LPIN1: variants seen among roughly 807,000 people sequenced by gnomAD.
The protein encoded by LPIN1 is lipin 1.
A neutral mutation model predicts 107.5 loss-of-function variants in LPIN1; 71 were observed. The ratio of observed to expected loss-of-function variants is 0.66; its 90% CI spans 0.55 to 0.80. LPIN1 has a LOEUF of 0.80. Among genes scored for constraint, LPIN1 ranks in the 30% least tolerant of loss-of-function variants. The pLI is 0.00. For missense variants in LPIN1, 1,043 were observed against 1,160.6 expected (o/e 0.90, Z 1.47); for synonymous variants, 445 against 452.6 (o/e 0.98, Z 0.21).
chr2:11,728,624 C>T (rs545366342), intron 1 of LPIN1, among the ~76,000 whole-genome samples: 9 of 152,238 alleles, frequency 5.9e-5, no homozygotes, highest in African/African-American at 1.4e-4. Context: ...GAGCTCAAGC[C>T]GTCTGCCTCC....
At chr2:11,799,081 T>G (rs1677226612) in intron 14 of LPIN1, among the ~76,000 whole-genome samples, 1 of 152,222 alleles carries the variant, frequency 6.6e-6, no homozygotes. Flanking sequence ...AGGAGGCATT[T>G]TATTCTGTGC....
chr2:11,825,164 A>G lies in LPIN1; in HGVS notation c.*373A>G. On this transcript the variant is annotated 3_prime_UTR_variant, in exon 21 of 21. Coordinates refer to ENST00000674199, the MANE Select transcript of LPIN1 (RefSeq NM_001349206.2). This position sits in a 1 kb window ranked among gnomAD's most constrained non-coding sequence, Gnocchi z 4.1. ...GGCTGTCTGAGGGCTGTCCCCGCCT[A>G]GGACAGGGTCAATCGAGGAATGCCA... 1 of 315,688 alleles carries G rather than the reference A, an allele frequency of 3.2e-6. No homozygotes were observed. The highest frequency in any genetic ancestry group is 3.2e-5 in the South Asian group (1 of 31,508). The allele number at this position is 315,688 out of a possible 1,614,324, so 19.6% of individuals were successfully genotyped here.
At chr2:11,683,299 A>G (rs1200634228) in intron 1 of LPIN1, 1 of 152,216 alleles carries the variant, frequency 6.6e-6, no homozygotes, top group Non-Finnish European at 1.5e-5. Context: ...TGAGCTAAGA[A>G]CCACATAAAA....
chr2:11,755,230 G>A (rs1668484590), intron 1 of LPIN1, among the ~76,000 whole-genome samples: 1 of 152,220 alleles, frequency 6.6e-6, no homozygotes, highest in East Asian at 1.9e-4. Flanking sequence ...GCCTCCCAAA[G>A]TGCTGGGATT....
chr2:11,815,650 G>A (rs910867906), intron 18 of LPIN1, among the ~76,000 whole-genome samples: 3 of 152,060 alleles, frequency 2.0e-5, no homozygotes, highest in African/African-American at 4.8e-5. Context: ...GTTGGACAAT[G>A]AGCCTCTATC....
chr2:11,772,038 A>T (rs1054329941), intron 4 of LPIN1, among the ~76,000 whole-genome samples: 10 of 152,190 alleles, frequency 6.6e-5, no homozygotes, highest in African/African-American at 2.4e-4. Context: ...GATGGGTGAC[A>T]GATCATCAGG....
rs143800890 is a variant in LPIN1 at position 11,783,219 on chromosome 2, G to A, written c.1265-610G>A. ...GACATTTGAAGTCATCATGGCCAGTGTCTGACAATGCACAGTGTGGGATGC... is the reference window on the plus strand; with the variant it reads ...GACATTTGAAGTCATCATGGCCAGTATCTGACAATGCACAGTGTGGGATGC... On this transcript the variant is annotated intron_variant, in intron 8 of 20. Coordinates refer to ENST00000674199, the MANE Select transcript of LPIN1 (RefSeq NM_001349206.2). 3.9e-3 allele frequency among the ~76,000 whole-genome samples: 598 copies of A among 152,358 alleles called. 2 individuals are homozygous for A. The highest frequency in any genetic ancestry group is 0.01 in the African/African-American group (432 of 41,586).
At chr2:11,724,203 C>CT (rs1664371857), upstream of LPIN1, 1 of 392,830 alleles carries the variant, frequency 2.5e-6, no homozygotes, top group Non-Finnish European at 3.5e-6. Context: ...GTGCCCCCTC[C>CT]TGAAACCTGG....
intron 1 of LPIN1, among the ~76,000 whole-genome samples, chr2:11,758,226 T>G (rs1049451668): frequency 6.6e-6 from 1 of 152,126 alleles, no homozygotes; most frequent in Admixed American, 6.5e-5. Context: ...GCCACGACCA[T>G]GGGTGTGCCA....
intron 1 of LPIN1, among the ~76,000 whole-genome samples, chr2:11,750,941 G>A (rs1311427113): frequency 6.6e-6 from 1 of 152,214 alleles, no homozygotes; most frequent in African/African-American, 2.4e-5. Flanking sequence ...TGGACAGAGG[G>A]CTCTTGAAAG....
intron 1 of LPIN1, among the ~76,000 whole-genome samples, chr2:11,699,775 G>A (rs1307640240): frequency 1.3e-5 from 2 of 152,128 alleles, no homozygotes; most frequent in Non-Finnish European, 2.9e-5. Flanking sequence ...AGCCTAATGG[G>A]GCACAGGCAA....
At chr2:11,683,381 TAGAG>T (rs1333504728) in intron 1 of LPIN1, 4 of 152,214 alleles carry the variant, frequency 2.6e-5, no homozygotes, top group Non-Finnish European at 5.9e-5. Flanking sequence ...AAGTGTATGG[TAGAG>T]AGCGTGAGAG....
At chr2:11,722,506 G>A (rs1664219583), upstream of LPIN1, 1 of 152,200 alleles carries the variant, frequency 6.6e-6, no homozygotes, top group Admixed American at 6.5e-5. Context: ...GTCAAGGGTG[G>A]TATGACCTGC....
In LPIN1 at chr2:11,786,533, G is replaced by A. The variant is rs986544481; in HGVS notation, c.1550-541G>A. 6.6e-6 allele frequency among the ~76,000 whole-genome samples: 1 copy of A among 152,110 alleles called. No individual in the cohort carries two copies. Among genetic ancestry groups the A allele is most frequent in the African/African-American group, 2.4e-5 (1 of 41,422 alleles). On this transcript the variant is annotated intron_variant, in intron 10 of 20. Transcript: ENST00000674199. The surrounding 1 kb of genome is among the most constrained non-coding windows in gnomAD (Gnocchi z 4.1). Reference sequence around the variant, plus strand: ...GCTGCCCCACCATGATGAGAACAGTGCCCTGCCTGCTTCTGATTGTGGTGG... The same window carrying A: ...GCTGCCCCACCATGATGAGAACAGTACCCTGCCTGCTTCTGATTGTGGTGG...
At chr2:11,754,461 T>A (rs922785933) in intron 1 of LPIN1, among the ~76,000 whole-genome samples, 2 of 152,226 alleles carry the variant, frequency 1.3e-5, no homozygotes, top group African/African-American at 4.8e-5. Flanking sequence ...GGAGGGTGTT[T>A]CGGCCTTTCT....
intron 2 of LPIN1, among the ~76,000 whole-genome samples, chr2:11,714,740 T>G (rs1663619819): frequency 6.6e-6 from 1 of 152,248 alleles, no homozygotes; most frequent in South Asian, 2.1e-4. Flanking sequence ...GAATGCTTAG[T>G]GTCCCTACTG....
chr2:11,763,989 A>G (rs72773992), intron 1 of LPIN1, among the ~76,000 whole-genome samples: 72,822 of 132,716 alleles, frequency 0.55, 19,604 homozygotes, highest in African/African-American at 0.63. Flanking sequence ...GTGTGTGTGT[A>G]TATATATATA....
chr2:11,778,363 G>T (rs1247274882), intron 6 of LPIN1, among the ~76,000 whole-genome samples: 1 of 152,232 alleles, frequency 6.6e-6, no homozygotes, highest in Non-Finnish European at 1.5e-5. Context: ...CTGCCCCTTG[G>T]TGTGAGATGA....
chr2:11,826,892 C>G lies in LPIN1; in HGVS notation c.*2101C>G. On this transcript the variant is annotated 3_prime_UTR_variant, in exon 21 of 21. Coordinates refer to ENST00000674199, the MANE Select transcript of LPIN1 (RefSeq NM_001349206.2). ...AGCATGCTTTCCAGAAAGTCACACT[C>G]TCAGATCTGTGTCAAGTTCAATGTG... The G allele has an allele frequency of 6.6e-6, 1 of 152,518 alleles. No individual in the cohort carries two copies. Among genetic ancestry groups the G allele is most frequent in the East Asian group, 1.9e-4 (1 of 5,204 alleles). 9.4% of individuals were successfully genotyped at this position (152,518 alleles called of 1,614,324 possible). A position where few individuals can be genotyped will look rare whatever the true frequency, so the allele number is the denominator to read the frequency against.
Sources: gnomAD v4.1 joint callset for allele counts (sites outside exome capture counted in the v4.1 genomes callset) on GRCh38, gnomAD v4.1.1 for gene constraint, Gnocchi (gnomAD v3.1) non-coding constraint, MANE v1.5 for transcripts, NCBI Gene and HGNC (gene_info 2026-07-23, HGNC 2026-07-21) for gene names.